GABRG3: variants seen among roughly 807,000 people sequenced by gnomAD.
GABRG3 encodes the protein gamma-aminobutyric acid receptor subunit gamma-3.
In GABRG3, 25 loss-of-function variants were observed where a neutral mutation model predicts 48.8. The ratio of observed to expected loss-of-function variants is 0.51; its 90% CI spans 0.37 to 0.72. The LOEUF (loss-of-function observed/expected upper bound fraction) is 0.72, where lower values mean the gene tolerates loss of function less well. Ranked by LOEUF, GABRG3 falls within the 30% of genes least tolerant of loss-of-function variation. The pLI is 0.00. For missense variants in GABRG3, 394 were observed against 577.9 expected, an observed-to-expected ratio of 0.68 and a Z score of 3.26; for synonymous variants, 227 against 217.6, an observed-to-expected ratio of 1.04 and a Z score of -0.38.
intron 3 of GABRG3, among the ~76,000 whole-genome samples, chr15:27,067,670 G>C (rs532642116): frequency 6.6e-6 from 1 of 152,140 alleles, no homozygotes; most frequent in South Asian, 2.1e-4. Context: ...TTCAGGCCCC[G>C]ATTTTGGGGA....
chr15:27,208,415 G>A, intron 3 of GABRG3: 2 of 215,970 alleles, frequency 9.3e-6, no homozygotes, highest in Non-Finnish European at 1.0e-5. Flanking sequence ...GGAGAAGTTG[G>A]CATTGTTTAT....
At chr15:27,472,952 C>G (rs991673649) in intron 5 of GABRG3, among the ~76,000 whole-genome samples, 5 of 152,116 alleles carry the variant, frequency 3.3e-5, no homozygotes, top group Admixed American at 2.6e-4. Context: ...AATTTCTACT[C>G]TCATTCCTGC....
intron 3 of GABRG3, among the ~76,000 whole-genome samples, chr15:27,105,842 G>A (rs1474728627): frequency 6.6e-6 from 1 of 152,034 alleles, no homozygotes; most frequent in Non-Finnish European, 1.5e-5. Context: ...TCATTATAGC[G>A]TATCCACAAT....
rs933691949 is a variant in GABRG3 at position 27,506,033 on chromosome 15, A to C, written c.713-13939A>C. 4.3e-4 allele frequency among the ~76,000 whole-genome samples: 66 copies of C among 152,256 alleles called. 1 individual carries two copies. Among genetic ancestry groups the C allele is most frequent in the Admixed American group, 3.9e-3 (60 of 15,302 alleles). On this transcript the variant is annotated intron_variant, in intron 6 of 9. Coordinates refer to ENST00000615808, the MANE Select transcript of GABRG3 (RefSeq NM_033223.5). The stretch of plus-strand genomic sequence containing the variant: ...TCACCTAAGCTGTAGAATTATTGGC[A>C]TAGTGTTATGCATTCAGCATTGTTC...
chr15:27,352,553 C>T lies in GABRG3; in HGVS notation c.574+23665C>T, dbSNP rs528030485. Among the ~76,000 whole-genome samples, 6 of 152,144 alleles carry T rather than the reference C, an allele frequency of 3.9e-5. No homozygotes were observed. The East Asian group carries it at 1.2e-3, about 29-fold the overall frequency. On this transcript the variant is annotated intron_variant, in intron 5 of 9. Coordinates refer to ENST00000615808, the MANE Select transcript of GABRG3 (RefSeq NM_033223.5). The surrounding 1 kb of genome is among the most constrained non-coding windows in gnomAD (Gnocchi z 4.0). The stretch of plus-strand genomic sequence containing the variant: ...AGTGTGTCTGGATGAGGAACTGTGC[C>T]GCCTGCTGTTCAGGTGCTATTTCTG...
intron 2 of GABRG3, among the ~76,000 whole-genome samples, chr15:27,012,685 A>T (rs1895711196): frequency 6.6e-6 from 1 of 152,124 alleles, no homozygotes; most frequent in South Asian, 2.1e-4. Context: ...TTATCTCAGT[A>T]CCTGGTTTTA....
rs1595739453 is a variant in GABRG3 at position 27,415,695 on chromosome 15, A to G, written c.575-64955A>G. On this transcript the variant is annotated intron_variant, in intron 5 of 9. Transcript: ENST00000615808. ...ATAAATTCCTGGTCAAGCAATTCTAATAGCCCTTCCATAGCTGAGTCTCAT... is the reference window on the plus strand; with the variant it reads ...ATAAATTCCTGGTCAAGCAATTCTAGTAGCCCTTCCATAGCTGAGTCTCAT... Among the ~76,000 whole-genome samples the G allele has an allele frequency of 2.0e-5, 3 of 152,202 alleles. No homozygotes were observed. In the South Asian group the frequency reaches 6.2e-4, roughly 32 times the overall value.
intron 6 of GABRG3, among the ~76,000 whole-genome samples, chr15:27,489,292 G>A (rs1478300131): frequency 2.6e-5 from 4 of 152,092 alleles, no homozygotes; most frequent in African/African-American, 9.7e-5. Context: ...TGGGCATTTG[G>A]GTTGGTTCCA....
intron 3 of GABRG3, among the ~76,000 whole-genome samples, chr15:27,201,941 T>C (rs1025702528): frequency 6.6e-6 from 1 of 152,228 alleles, no homozygotes; most frequent in African/African-American, 2.4e-5. Flanking sequence ...CTGATTTCTG[T>C]AAAATAGACA....
At chr15:27,390,695 G>A (rs758121679) in intron 5 of GABRG3, among the ~76,000 whole-genome samples, 6 of 152,260 alleles carry the variant, frequency 3.9e-5, no homozygotes, top group Admixed American at 2.6e-4. Flanking sequence ...TCTAGGTAGC[G>A]CAGGAAAGAG....
chr15:27,256,309 A>C (rs1890613934), intron 3 of GABRG3, among the ~76,000 whole-genome samples: 1 of 151,770 alleles, frequency 6.6e-6, no homozygotes, highest in Non-Finnish European at 1.5e-5. Context: ...GGTGCGATGG[A>C]GGGCGCCTGT....
At chr15:27,028,480 C>T (rs765384622) in intron 3 of GABRG3, among the ~76,000 whole-genome samples, 12 of 152,086 alleles carry the variant, frequency 7.9e-5, no homozygotes, top group Non-Finnish European at 1.3e-4. Context: ...CTTTTCCCAT[C>T]AGAGATCTGA....
intron 3 of GABRG3, among the ~76,000 whole-genome samples, chr15:27,270,701 C>T (rs1034831105): frequency 6.6e-6 from 1 of 152,114 alleles, no homozygotes; most frequent in Non-Finnish European, 1.5e-5. Context: ...CAATGGAGTG[C>T]GTATTTCAAG....
chr15:27,348,986 G>T (rs1166602576), intron 5 of GABRG3, among the ~76,000 whole-genome samples: 1 of 152,166 alleles, frequency 6.6e-6, no homozygotes, highest in East Asian at 1.9e-4. Flanking sequence ...GGACAGTATA[G>T]AGCCAGATAG....
intron 3 of GABRG3, among the ~76,000 whole-genome samples, chr15:27,171,155 C>T (rs1342468626): frequency 6.6e-6 from 1 of 152,118 alleles, no homozygotes; most frequent in Non-Finnish European, 1.5e-5. Flanking sequence ...GGGGTGAAAG[C>T]CTGGGCATCA....
chr15:27,264,841 A>G (rs1890870097), intron 3 of GABRG3, among the ~76,000 whole-genome samples: 1 of 152,046 alleles, frequency 6.6e-6, no homozygotes, highest in South Asian at 2.1e-4. Flanking sequence ...TCACTCTATT[A>G]CTAATTCACT....
At chr15:27,147,115 C>A (rs1898223016) in intron 3 of GABRG3, among the ~76,000 whole-genome samples, 2 of 151,808 alleles carry the variant, frequency 1.3e-5, no homozygotes, top group Non-Finnish European at 2.9e-5. Context: ...GACAAGAGTA[C>A]TAAAAGAGAG....
intron 3 of GABRG3, among the ~76,000 whole-genome samples, chr15:27,170,480 G>A (rs1887528331): frequency 6.6e-6 from 1 of 151,986 alleles, no homozygotes; most frequent in South Asian, 2.1e-4. Flanking sequence ...GAGTCAATAA[G>A]GGAGATAAAG....
intron 5 of GABRG3, among the ~76,000 whole-genome samples, chr15:27,467,890 C>T (rs965719773): frequency 3.9e-5 from 6 of 152,140 alleles, no homozygotes; most frequent in Non-Finnish European, 5.9e-5. Flanking sequence ...ACAGAAAATT[C>T]CAGAAATAAA....
Sources: allele counts gnomAD v4.1 joint callset (sites outside exome capture counted in the v4.1 genomes callset), GRCh38; gene constraint gnomAD v4.1.1; non-coding constraint Gnocchi (gnomAD v3.1); transcripts MANE v1.5; gene names NCBI Gene and HGNC (gene_info 2026-07-23, HGNC 2026-07-21).